MAGI2: variants seen among roughly 807,000 people sequenced by gnomAD.
MAGI2 encodes membrane-associated guanylate kinase, WW and PDZ domain-containing protein 2.
A neutral mutation model predicts 133.3 loss-of-function variants in MAGI2; 35 were observed. That is an observed-to-expected ratio of 0.26 (90% CI 0.20 to 0.35). MAGI2 has a LOEUF of 0.35. Ranked by LOEUF, MAGI2 falls within the 10% of genes least tolerant of loss-of-function variation. MAGI2 has a pLI of 1.00. For synonymous variants in MAGI2, 729 were observed against 710.6 expected (o/e 1.03, Z -0.41); for missense variants, 1,636 against 1,863.4 (o/e 0.88, Z 2.25).
intron 1 of MAGI2, among the ~76,000 whole-genome samples, chr7:79,038,275 C>T (rs561298291): frequency 6.6e-6 from 1 of 152,158 alleles, no homozygotes; most frequent in Non-Finnish European, 1.5e-5. Flanking sequence ...TTACAGATGA[C>T]AGAGATGGTT....
intron 3 of MAGI2, among the ~76,000 whole-genome samples, chr7:78,564,478 G>A (rs1800730078): frequency 6.6e-6 from 1 of 152,076 alleles, no homozygotes; most frequent in Admixed American, 6.6e-5. Flanking sequence ...AAAGTTTCAG[G>A]TTAGCAAAGA....
rs148017851 is a variant in MAGI2 at position 78,441,977 on chromosome 7, C to A, written c.1045+47784G>T. 5.0e-3 allele frequency among the ~76,000 whole-genome samples: 762 copies of A among 152,274 alleles called. 6 individuals carry two copies. Among genetic ancestry groups the A allele is most frequent in the African/African-American group, 0.016 (662 of 41,542 alleles). The stretch of plus-strand genomic sequence containing the variant: ...TAATTCAGCTCTCTCCAGCTCCTAG[C>A]CCAGCTGCAGTTTCAGGGTCCCCTC... On this transcript the variant is annotated intron_variant, in intron 6 of 21. Coordinates refer to ENST00000354212, the MANE Select transcript of MAGI2 (RefSeq NM_012301.4).
At chr7:78,861,306 C>T (rs1008188813) in intron 2 of MAGI2, among the ~76,000 whole-genome samples, 2 of 152,206 alleles carry the variant, frequency 1.3e-5, no homozygotes, top group Middle Eastern at 3.2e-3. Context: ...TCTTCTGCAT[C>T]GCTCATGCTG....
In MAGI2 at chr7:78,573,309, TATAA is replaced by T. The variant is rs1584694808; in HGVS notation, c.539-51668_539-51665del. On this transcript the variant is annotated intron_variant, in intron 3 of 21. Coordinates refer to ENST00000354212, the MANE Select transcript of MAGI2 (RefSeq NM_012301.4). ...TTATATAAATATATATATTTATATA[TATAA>T]ATATATAAATATATATATAAATATA... is the stretch of plus-strand genomic sequence containing the variant. Among the ~76,000 whole-genome samples the T allele has an allele frequency of 1.2e-4, 6 of 48,884 alleles. No homozygotes were observed. In the South Asian group the frequency reaches 1.4e-3, roughly 11 times the overall value. The allele number at this position is 48,884 out of a possible 152,430, so 32.1% of individuals were successfully genotyped here.
intron 3 of MAGI2, among the ~76,000 whole-genome samples, chr7:78,545,803 T>G (rs1408980709): frequency 6.6e-6 from 1 of 152,196 alleles, no homozygotes; most frequent in Non-Finnish European, 1.5e-5. Flanking sequence ...TAACTGGAAT[T>G]TATTTAAAAT....
chr7:78,658,783 C>T (rs925055972), intron 2 of MAGI2, among the ~76,000 whole-genome samples: 21 of 152,212 alleles, frequency 1.4e-4, no homozygotes, highest in Admixed American at 7.2e-4. Flanking sequence ...ACACCTATCA[C>T]GACAGCTAAA....
At chr7:78,334,163 C>A (rs1328439156) in intron 9 of MAGI2, among the ~76,000 whole-genome samples, 1 of 152,076 alleles carries the variant, frequency 6.6e-6, no homozygotes, top group Admixed American at 6.5e-5. Context: ...CTAAGGAGCT[C>A]AGAATGGTTA....
At chr7:78,238,544 A>G (rs1790797159) in intron 10 of MAGI2, among the ~76,000 whole-genome samples, 1 of 151,694 alleles carries the variant, frequency 6.6e-6, no homozygotes, top group Non-Finnish European at 1.5e-5. Flanking sequence ...CAAAAAAAAA[A>G]TCTTTGATTT....
intron 2 of MAGI2, among the ~76,000 whole-genome samples, chr7:78,801,857 T>C (rs1209212486): frequency 6.6e-6 from 1 of 152,204 alleles, no homozygotes; most frequent in Non-Finnish European, 1.5e-5. Context: ...TCTCCTCCTT[T>C]ATCTATTGTT....
chr7:78,548,409 A>G (rs769415502), intron 3 of MAGI2, among the ~76,000 whole-genome samples: 1 of 152,186 alleles, frequency 6.6e-6, no homozygotes, highest in African/African-American at 2.4e-5. Flanking sequence ...GATTGCTTTC[A>G]TGTCGGCCAG....
intron 5 of MAGI2, among the ~76,000 whole-genome samples, chr7:78,498,340 C>T (rs1030630101): frequency 1.2e-4 from 18 of 152,170 alleles, no homozygotes; most frequent in African/African-American, 4.3e-4. Flanking sequence ...ATGCTCCCTC[C>T]CCAATCACTG....
chr7:78,033,625 C>T (rs1809851083), intron 21 of MAGI2, among the ~76,000 whole-genome samples: 1 of 152,238 alleles, frequency 6.6e-6, no homozygotes, highest in African/African-American at 2.4e-5. Context: ...GAGGGAAGTA[C>T]AGAGTGCTGT....
chr7:78,448,658 G>T (rs997649598), intron 6 of MAGI2, among the ~76,000 whole-genome samples: 2 of 151,932 alleles, frequency 1.3e-5, no homozygotes, highest in Non-Finnish European at 2.9e-5. Context: ...ACAGAATTTG[G>T]GTCCTCAAAA....
At chr7:78,354,000 T>A (rs564292339) in intron 7 of MAGI2, among the ~76,000 whole-genome samples, 62 of 152,164 alleles carry the variant, frequency 4.1e-4, no homozygotes, top group Non-Finnish European at 8.2e-4. Flanking sequence ...ATTCCTGAAC[T>A]TGGGAGCATT....
rs754264971 is a variant in MAGI2 at position 78,032,363 on chromosome 7, C to T, written c.3707-12387G>A. Among the ~76,000 whole-genome samples, 277 of 152,030 alleles carry T rather than the reference C, an allele frequency of 1.8e-3. 10 individuals carry two copies. The highest frequency in any genetic ancestry group is 4.6e-4 in the Non-Finnish European group (31 of 67,990). Reference sequence around the variant, plus strand: ...CCGAGTAGCTGGGATTACAGGTATGCGCCAACACACCTGGGTAGCTTCTGT... The same window carrying T: ...CCGAGTAGCTGGGATTACAGGTATGTGCCAACACACCTGGGTAGCTTCTGT... On this transcript the variant is annotated intron_variant, in intron 21 of 21. Coordinates refer to ENST00000354212, the MANE Select transcript of MAGI2 (RefSeq NM_012301.4).
At chr7:79,408,813 G>T (rs373259130) in intron 1 of MAGI2, among the ~76,000 whole-genome samples, 1 of 152,140 alleles carries the variant, frequency 6.6e-6, no homozygotes, top group African/African-American at 2.4e-5. Context: ...AAGGGTTTAA[G>T]ATGATACTGC....
chr7:79,395,761 C>A (rs931469104), intron 1 of MAGI2, among the ~76,000 whole-genome samples: 2 of 152,058 alleles, frequency 1.3e-5, no homozygotes, highest in Non-Finnish European at 2.9e-5. Context: ...TTTTATGACA[C>A]CTGCAGCTAG....
intron 10 of MAGI2, among the ~76,000 whole-genome samples, chr7:78,209,401 A>ACAGGCGTG (rs1169983754): frequency 6.7e-6 from 1 of 149,694 alleles, no homozygotes; most frequent in African/African-American, 2.5e-5. Flanking sequence ...AGCTGGGACT[A>ACAGGCGTG]CAGGCGTGCA....
chr7:79,430,048 A>G (rs1310077562), intron 1 of MAGI2, among the ~76,000 whole-genome samples: 2 of 152,182 alleles, frequency 1.3e-5, no homozygotes, highest in Non-Finnish European at 2.9e-5. Context: ...AATGGATTCA[A>G]AATGGAAGAA....
Sources: gnomAD v4.1 joint callset for allele counts (sites outside exome capture counted in the v4.1 genomes callset) on GRCh38, gnomAD v4.1.1 for gene constraint, MANE v1.5 for transcripts, NCBI Gene and HGNC (gene_info 2026-07-23, HGNC 2026-07-21) for gene names.